The following ZNF81 variants were observed in gnomAD, a reference collection of about 807,000 sequenced individuals.
ZNF81 encodes the protein zinc finger protein 81.
ZNF81 carries 5 observed loss-of-function variants against 32.3 expected under a neutral mutation model. The observed-to-expected ratio is 0.15, with a 90% CI of 0.08 to 0.33. ZNF81 has a LOEUF of 0.33. Ranked by LOEUF, ZNF81 falls within the 10% of genes least tolerant of loss-of-function variation. The pLI is 1.00. For missense variants in ZNF81, 379 were observed against 479.8 expected, an observed-to-expected ratio of 0.79 and a Z score of 1.96; for synonymous variants, 163 against 166.8, an observed-to-expected ratio of 0.98 and a Z score of 0.17.
At chrX:47,873,690 A>C (rs2058588920) in intron 2 of ZNF81, among the ~76,000 whole-genome samples, 1 of 111,693 alleles carries the variant, frequency 9.0e-6, no homozygotes, top group South Asian at 3.7e-4. Context: ...GTTTTGACAC[A>C]GAGTCTTGCT....
At position 47,917,301 on chromosome X, in the gene ZNF81, T is replaced by C. The variant is rs1556891176; in HGVS notation, c.*669T>C. 3.4e-6 allele frequency: 1 copy of C among 295,722 alleles called. No individual in the cohort carries two copies. Among genetic ancestry groups the C allele is most frequent in the Non-Finnish European group, 5.9e-6 (1 of 169,887 alleles). 24.4% of individuals were successfully genotyped at this position (295,722 alleles called of 1,213,427 possible). A position where few individuals can be genotyped will look rare whatever the true frequency, so the allele number is the denominator to read the frequency against. ...ATAATTTTATAAGAACACACAAATATAATCCTGTCATTCGTACTGGTTTCC... is the reference window on the plus strand; with the variant it reads ...ATAATTTTATAAGAACACACAAATACAATCCTGTCATTCGTACTGGTTTCC... On this transcript the variant is annotated 3_prime_UTR_variant, in exon 5 of 5. Transcript: ENST00000338637.
chrX:47,849,865 G>A (rs782596993), intron 2 of ZNF81, among the ~76,000 whole-genome samples: 6 of 111,729 alleles, frequency 5.4e-5, no homozygotes, highest in Non-Finnish European at 7.5e-5. Flanking sequence ...TAATAGACAC[G>A]TGAGACAGTG....
chrX:47,857,379 C>A (rs1279419527), intron 2 of ZNF81, among the ~76,000 whole-genome samples: 3 of 112,280 alleles, frequency 2.7e-5, no homozygotes, highest in African/African-American at 9.7e-5. Flanking sequence ...ATTCCCTATG[C>A]ACATTAAAAT....
At chrX:47,913,558 G>A (rs886268993) in intron 4 of ZNF81, among the ~76,000 whole-genome samples, 2 of 111,560 alleles carry the variant, frequency 1.8e-5, no homozygotes, top group Admixed American at 9.5e-5. Flanking sequence ...TGTCATCAAG[G>A]TGAAGTAAAA....
At chrX:47,872,351 A>G (rs2058583535) in intron 2 of ZNF81, among the ~76,000 whole-genome samples, 1 of 112,052 alleles carries the variant, frequency 8.9e-6, no homozygotes, top group South Asian at 3.7e-4. Context: ...TTTAGAGGCT[A>G]CCAGCAAATA....
intron 2 of ZNF81, 51 bp from the exon 3 acceptor site, chrX:47,887,948 C>G (rs2058648410): frequency 3.3e-6 from 4 of 1,208,230 alleles, no homozygotes; most frequent in Non-Finnish European, 4.5e-6. Flanking sequence ...TGTTTTCTCT[C>G]CATCCTCCAG....
At chrX:47,847,104 A>T (rs1474643967) in intron 2 of ZNF81, among the ~76,000 whole-genome samples, 5 of 112,413 alleles carry the variant, frequency 4.4e-5, no homozygotes, top group Admixed American at 9.4e-5. Flanking sequence ...ATTAGGTATT[A>T]ATCACAGTGA....
intron 3 of ZNF81, among the ~76,000 whole-genome samples, chrX:47,895,210 CTT>C (rs1248805694): frequency 9.0e-6 from 1 of 111,212 alleles, no homozygotes; most frequent in Non-Finnish European, 1.9e-5. Flanking sequence ...GAAATAGAGT[CTT>C]TGCAGAGGTA....
In ZNF81 at chrX:47,916,419, C is replaced by T; in HGVS notation, c.1773C>T (p.Phe591=). Residue 591 remains phenylalanine (F), a synonymous_variant, in exon 5 of 5, where the codon TTC becomes TTT. Coordinates refer to ENST00000338637, the MANE Select transcript of ZNF81 (RefSeq NM_007137.5). ...PYKCPDCEKS[F]SKKPHLKVHQ... is the part of the protein sequence containing the mutation. ...AATGTCCTGACTGTGAGAAATCCTT[C>T]TCCAAGAAACCACATCTCAAAGTAC... 8.3e-7 allele frequency: 1 copy of T among 1,211,492 alleles called. No homozygotes were observed.
intron 3 of ZNF81, among the ~76,000 whole-genome samples, chrX:47,894,087 G>A (rs905295270): frequency 1.8e-5 from 2 of 111,763 alleles, no homozygotes; most frequent in Non-Finnish European, 3.8e-5. Flanking sequence ...AAGATACTTC[G>A]GTATAGAACT....
At chrX:47,856,048 CAAAAAAAA>C (rs61300154) in intron 2 of ZNF81, among the ~76,000 whole-genome samples, 3 of 48,690 alleles carry the variant, frequency 6.2e-5, no homozygotes, top group Non-Finnish European at 7.2e-5. Flanking sequence ...GACTCTGCCT[CAAAAAAAA>C]AAAAAAAAAA....
At position 47,846,267 on chromosome X, in the gene ZNF81, C is replaced by G. The variant is rs782316402; in HGVS notation, c.-1C>G. On this transcript the variant is annotated 5_prime_UTR_variant, in exon 2 of 5. Coordinates refer to ENST00000338637, the MANE Select transcript of ZNF81 (RefSeq NM_007137.5). Reference sequence around the variant, plus strand: ...GGCTGAAGTCCAAGTCCGTCGGGAACATGCCAGCTAACGAGGACGCTCCCC... The same window carrying G: ...GGCTGAAGTCCAAGTCCGTCGGGAAGATGCCAGCTAACGAGGACGCTCCCC... 4 of 1,207,402 alleles carry G rather than the reference C, an allele frequency of 3.3e-6. No individual in the cohort carries two copies. The highest frequency in any genetic ancestry group is 4.5e-6 in the Non-Finnish European group (4 of 894,527).
chrX:47,916,732 T>C lies in ZNF81; in HGVS notation c.*100T>C. The C allele has an allele frequency of 1.1e-6, 1 of 895,865 alleles. No homozygotes were observed. Among genetic ancestry groups the C allele is most frequent in the African/African-American group, 2.0e-5 (1 of 49,730 alleles). 73.8% of individuals were successfully genotyped at this position (895,865 alleles called of 1,213,427 possible). ...TCATCCAAGACAGATCCTATATGAA[T>C]ACATTGTATAAGGAAAAGCATCAGG... On this transcript the variant is annotated 3_prime_UTR_variant, in exon 5 of 5. Coordinates refer to ENST00000338637, the MANE Select transcript of ZNF81 (RefSeq NM_007137.5).
In ZNF81 at chrX:47,915,514, T is replaced by C. The variant is rs1556890578; in HGVS notation, c.868T>C (p.Phe290Leu). ...GATCTTCACCCAGAGGTCACATTTC[T>C]TTGCTCCTCAAAAAATTCATACTGT... The part of the protein sequence containing the change: ...GKIFTQRSHF[F>L]APQKIHTVEK... The change falls in exon 5 of 5, where the codon TTT (phenylalanine) becomes CTT (leucine). Residue 290 changes from phenylalanine (F) to leucine (L), a missense_variant. Physicochemically the swap from Phe to Leu is conservative, Grantham distance 22. Around this residue, in one of 2 missense-constraint regions of ZNF81, gnomAD observed 277 missense variants for 306.6 expected, o/e 0.90. Transcript: ENST00000338637. 2 of 1,209,960 alleles carry C rather than the reference T, an allele frequency of 1.7e-6. No individual in the cohort carries two copies. Among genetic ancestry groups the C allele is most frequent in the Non-Finnish European group, 2.2e-6 (2 of 895,239 alleles).
intron 2 of ZNF81, among the ~76,000 whole-genome samples, chrX:47,875,943 GTTATACATTCT>G (rs1412482597): frequency 8.9e-6 from 1 of 111,961 alleles, no homozygotes; most frequent in Non-Finnish European, 1.9e-5. Flanking sequence ...AGCACCATTT[GTTATACATTCT>G]TTTATAGTTC....
chrX:47,837,835 A>G (rs1264989379), intron 1 of ZNF81, among the ~76,000 whole-genome samples: 5 of 111,627 alleles, frequency 4.5e-5, no homozygotes, highest in Non-Finnish European at 9.4e-5. Flanking sequence ...CCTTTCCTAT[A>G]TGCATTTTAG....
chrX:47,856,765 C>T (rs782638094), intron 2 of ZNF81, among the ~76,000 whole-genome samples: 2 of 110,761 alleles, frequency 1.8e-5, no homozygotes, highest in African/African-American at 3.3e-5. Flanking sequence ...GCCAACATGG[C>T]GAAACCCCAT....
intron 2 of ZNF81, among the ~76,000 whole-genome samples, chrX:47,871,631 T>C (rs2058580753): frequency 8.9e-6 from 1 of 112,004 alleles, no homozygotes; most frequent in African/African-American, 3.2e-5. Flanking sequence ...TTTTTGAAGA[T>C]TGCATCTTCC....
At chrX:47,841,162 C>T in intron 1 of ZNF81, 1 of 789,797 alleles carries the variant, frequency 1.3e-6, no homozygotes, top group Non-Finnish European at 1.9e-6. Flanking sequence ...GCAAATGACA[C>T]CAAACTTCCC....
Sources: allele counts gnomAD v4.1 joint callset (sites outside exome capture counted in the v4.1 genomes callset), GRCh38; gene constraint gnomAD v4.1.1; regional missense constraint gnomAD v4.1.1; transcripts MANE v1.5; gene names NCBI Gene and HGNC (gene_info 2026-07-23, HGNC 2026-07-21).